The following HDAC9 variants were observed in gnomAD, a reference collection of about 807,000 sequenced individuals.
HDAC9 encodes histone deacetylase 9.
HDAC9 carries 41 observed loss-of-function variants against 139.4 expected under a neutral mutation model. The observed-to-expected ratio is 0.29, with a 90% CI of 0.23 to 0.38. HDAC9 has a LOEUF of 0.38. Among genes scored for constraint, HDAC9 ranks in the 10% least tolerant of loss-of-function variants. The pLI is 1.00. For synonymous variants in HDAC9, 517 were observed against 476.2 expected (o/e 1.09, Z -1.12); for missense variants, 1,147 against 1,297.0 (o/e 0.88, Z 1.78).
At chr7:18,982,042 A>C (rs1784987609) in intron 25 of HDAC9, among the ~76,000 whole-genome samples, 1 of 152,174 alleles carries the variant, frequency 6.6e-6, no homozygotes, top group African/African-American at 2.4e-5. Flanking sequence ...GAATGTGTAG[A>C]TTTCACACAG....
intron 16 of HDAC9, among the ~76,000 whole-genome samples, chr7:18,769,794 A>G (rs1226738439): frequency 6.6e-6 from 1 of 152,130 alleles, no homozygotes; most frequent in Non-Finnish European, 1.5e-5. Context: ...CAAGATCCCC[A>G]GTATGATCCC....
At chr7:18,647,702 T>G (rs1584559069) in intron 9 of HDAC9, 83 bp from the exon 10 acceptor site, 1 of 1,197,878 alleles carries the variant, frequency 8.3e-7, no homozygotes. Context: ...AGCTACAGCA[T>G]AGGAAACTTG....
chr7:18,196,102 A>G (rs917822548), intron 2 of HDAC9, among the ~76,000 whole-genome samples: 9 of 152,164 alleles, frequency 5.9e-5, no homozygotes, highest in Non-Finnish European at 1.2e-4. Flanking sequence ...ATAAGACTGC[A>G]CATTTCTTGA....
chr7:18,900,040 T>A (rs1401718298), intron 22 of HDAC9, among the ~76,000 whole-genome samples: 1 of 152,008 alleles, frequency 6.6e-6, no homozygotes, highest in Non-Finnish European at 1.5e-5. Context: ...AATGAACTGG[T>A]CACACGATAT....
At chr7:18,229,925 C>T (rs1019148972) in intron 2 of HDAC9, among the ~76,000 whole-genome samples, 11 of 152,156 alleles carry the variant, frequency 7.2e-5, no homozygotes, top group African/African-American at 2.7e-4. Context: ...ACTGTTTCTA[C>T]AAGTCATCAT....
chr7:18,448,746 G>A (rs1249688925), intron 1 of HDAC9, among the ~76,000 whole-genome samples: 1 of 151,954 alleles, frequency 6.6e-6, no homozygotes, highest in Non-Finnish European at 1.5e-5. Flanking sequence ...GTCAAATTGT[G>A]TTTTTTTGGA....
At chr7:18,762,306 A>G in intron 15 of HDAC9, 29 bp downstream of exon 15, 3 of 1,611,186 alleles carry the variant, frequency 1.9e-6, no homozygotes, top group Non-Finnish European at 2.5e-6. Context: ...TGTACTGGGA[A>G]CAGCACATTC....
chr7:18,188,063 A>G (rs999249599), intron 2 of HDAC9, among the ~76,000 whole-genome samples: 3 of 152,228 alleles, frequency 2.0e-5, no homozygotes, highest in African/African-American at 7.2e-5. Context: ...CAAAAAGAAC[A>G]AAGCTGGAGG....
At chr7:18,874,737 C>A in intron 22 of HDAC9, 141 bp downstream of exon 22, 1 of 592,452 alleles carries the variant, frequency 1.7e-6, no homozygotes, top group Non-Finnish European at 3.0e-6. Flanking sequence ...GTTTATTGCT[C>A]TGTCGGATTC....
chr7:18,198,173 CAT>C (rs892991578), intron 2 of HDAC9, among the ~76,000 whole-genome samples: 6 of 152,022 alleles, frequency 3.9e-5, no homozygotes, highest in Non-Finnish European at 7.4e-5. Flanking sequence ...AATCAAAACA[CAT>C]ATAATCTTGT....
chr7:18,540,829 A>G (rs546139766), intron 2 of HDAC9, among the ~76,000 whole-genome samples: 1 of 152,338 alleles, frequency 6.6e-6, no homozygotes, highest in African/African-American at 2.4e-5. Context: ...AATACCCAAC[A>G]CTAATGAGCA....
At chr7:18,251,357 G>A (rs542567219) in intron 2 of HDAC9, among the ~76,000 whole-genome samples, 91 of 152,228 alleles carry the variant, frequency 6.0e-4, no homozygotes, top group African/African-American at 1.6e-3. Context: ...GGGCCTGTTG[G>A]AGAAGAGTGG....
intron 17 of HDAC9, among the ~76,000 whole-genome samples, chr7:18,818,494 C>CTTAAGAGAT: frequency 6.6e-6 from 1 of 152,170 alleles, no homozygotes; most frequent in Non-Finnish European, 1.5e-5. Flanking sequence ...CATCTCTTGT[C>CTTAAGAGAT]AGTTTATAAA....
chr7:18,937,598 G>C (rs1363509727), intron 23 of HDAC9, among the ~76,000 whole-genome samples: 2 of 152,026 alleles, frequency 1.3e-5, no homozygotes, highest in East Asian at 3.9e-4. Flanking sequence ...TTGTCCCCTA[G>C]ATAACATTTT....
rs113433667 is a variant in HDAC9, at chr7:18,753,794, T to G, written c.2043+4656T>G. ...ATCTGTGTGCTTTTGTCAGACCATT[T>G]AACTTTGCTGATCTTTGGTTTTCCT... On this transcript the variant is annotated intron_variant, in intron 14 of 25. Transcript: ENST00000686413. Among the ~76,000 whole-genome samples, 8 of 152,282 alleles carry G rather than the reference T, an allele frequency of 5.3e-5. 1 individual carries two copies. The highest frequency in any genetic ancestry group is 1.9e-4 in the African/African-American group (8 of 41,576).
At chr7:18,640,310 A>T (rs1295167582) in intron 8 of HDAC9, among the ~76,000 whole-genome samples, 3 of 126,666 alleles carry the variant, frequency 2.4e-5, no homozygotes, top group Non-Finnish European at 4.8e-5. Context: ...GTGGGCCTTG[A>T]TCGCACCACT....
At chr7:18,648,111 A>C in intron 10 of HDAC9, 113 bp downstream of exon 10, 1 of 820,994 alleles carries the variant, frequency 1.2e-6, no homozygotes, top group Non-Finnish European at 1.9e-6. Context: ...TGCTATACAA[A>C]AGTTTCCCTG....
At chr7:18,412,872 ATTAT>A in intron 1 of HDAC9, among the ~76,000 whole-genome samples, 1 of 152,320 alleles carries the variant, frequency 6.6e-6, no homozygotes. Flanking sequence ...AATGAAATGG[ATTAT>A]TTATTTTTTA....
chr7:18,650,602 C>G (rs2129036844), intron 11 of HDAC9, among the ~76,000 whole-genome samples: 1 of 152,238 alleles, frequency 6.6e-6, no homozygotes, highest in South Asian at 2.1e-4. Context: ...CTGGATAAAA[C>G]TCAGATGAAA....
Sources: allele counts gnomAD v4.1 joint callset (sites outside exome capture counted in the v4.1 genomes callset), GRCh38; gene constraint gnomAD v4.1.1; transcripts MANE v1.5; gene names NCBI Gene and HGNC (gene_info 2026-07-23, HGNC 2026-07-21).